TBCK: variants seen among roughly 807,000 people sequenced by gnomAD.
TBCK encodes the protein TBC1 domain containing kinase, also known as TBC domain-containing protein kinase-like protein.
A neutral mutation model predicts 113.4 loss-of-function variants in TBCK; 99 were observed. The observed-to-expected ratio is 0.87, with a 90% CI of 0.74 to 1.03. The LOEUF (loss-of-function observed/expected upper bound fraction) is 1.03. Among genes scored for constraint, TBCK ranks in the 50% least tolerant of loss-of-function variants. TBCK has a pLI of 0.00. For synonymous variants in TBCK, 369 were observed against 370.8 expected (o/e 1.00, Z 0.05); for missense variants, 1,045 against 1,061.3 (o/e 0.98, Z 0.21).
chr4:106,097,531 G>A (rs1460635796), intron 24 of TBCK, among the ~76,000 whole-genome samples: 1 of 152,020 alleles, frequency 6.6e-6, no homozygotes, highest in Non-Finnish European at 1.5e-5. Context: ...AATGAGATTG[G>A]CCTAGTTATA....
intron 5 of TBCK, among the ~76,000 whole-genome samples, chr4:106,252,599 G>C (rs1178589729): frequency 6.6e-6 from 1 of 151,900 alleles, no homozygotes; most frequent in Non-Finnish European, 1.5e-5. Context: ...CACAAGTATA[G>C]AGTTTCCTCA....
rs1733946473 is a variant in TBCK, at chr4:106,042,918, T to C, written c.*3652A>G. On this transcript the variant is annotated 3_prime_UTR_variant, in exon 26 of 26. Transcript: ENST00000394708. ...CAATCTCCTCTGTAGCTTCCCTAAT[T>C]TGGCGGGAAGTTATGTCTTGTCATT... 1.3e-5 allele frequency: 2 copies of C among 152,272 alleles called. No homozygotes were observed. The highest frequency in any genetic ancestry group is 4.1e-4 in the South Asian group (2 of 4,826). The allele number at this position is 152,272 out of a possible 1,614,324, so 9.4% of individuals were successfully genotyped here.
chr4:106,192,142 A>G (rs2290607), intron 22 of TBCK, among the ~76,000 whole-genome samples: 28,342 of 151,962 alleles, frequency 0.19, 2,657 homozygotes, highest in South Asian at 0.25. Context: ...AGTTGCATGA[A>G]TTTTTTAACA....
Position 106,193,601 on chromosome 4 carries a change from A to G in TBCK, c.2059+8T>C. The G allele has an allele frequency of 6.2e-7, 1 of 1,612,890 alleles. No homozygotes were observed. The highest frequency in any genetic ancestry group is 8.5e-7 in the Non-Finnish European group (1 of 1,179,260). On this transcript the variant is annotated splice_region_variant and intron_variant, in intron 22 of 25. Coordinates refer to ENST00000394708, the MANE Select transcript of TBCK (RefSeq NM_001163435.3). ...TCATTTAATGGCTCCATTTATTTAG[A>G]TCTATACCTGGTAAATCGGAGAAGA...
intron 3 of TBCK, among the ~76,000 whole-genome samples, chr4:106,294,276 G>A (rs1295316832): frequency 8.0e-5 from 12 of 149,944 alleles, no homozygotes; most frequent in South Asian, 4.2e-4. Flanking sequence ...CACAACCTCC[G>A]CCCCGCGGGT....
intron 19 of TBCK, among the ~76,000 whole-genome samples, chr4:106,221,143 C>A (rs1023892334): frequency 6.6e-6 from 1 of 152,132 alleles, no homozygotes; most frequent in African/African-American, 2.4e-5. Context: ...TGCCACCACA[C>A]CCAGCTAATT....
At chr4:106,091,407 T>A (rs1207768760) in intron 25 of TBCK, among the ~76,000 whole-genome samples, 1 of 152,222 alleles carries the variant, frequency 6.6e-6, no homozygotes, top group Non-Finnish European at 1.5e-5. Flanking sequence ...AACTGGTGGG[T>A]TCTTGGTCTC....
intron 3 of TBCK, among the ~76,000 whole-genome samples, chr4:106,281,671 T>A (rs2125788205): frequency 6.6e-6 from 1 of 152,256 alleles, no homozygotes; most frequent in East Asian, 1.9e-4. Flanking sequence ...ATTGAAAGGA[T>A]CATATGGTTT....
intron 23 of TBCK, among the ~76,000 whole-genome samples, chr4:106,150,242 C>G (rs1748323975): frequency 6.6e-6 from 1 of 152,200 alleles, no homozygotes; most frequent in East Asian, 1.9e-4. Flanking sequence ...AACAATAAAA[C>G]AAGTAGACTA....
chr4:106,227,842 T>C (rs1758405609), intron 19 of TBCK, among the ~76,000 whole-genome samples: 1 of 151,848 alleles, frequency 6.6e-6, no homozygotes, highest in Non-Finnish European at 1.5e-5. Context: ...TGAAAGGATA[T>C]AAAACAGTAT....
chr4:106,225,943 C>T lies in TBCK; in HGVS notation c.1774+4420G>A, dbSNP rs1331294965. Reference sequence around the variant, plus strand: ...TTGGGAGGGAGAGGTGAGCGAATGGCTTGAGCTCCTGAGTTTGAGATCAGC... The same window carrying T: ...TTGGGAGGGAGAGGTGAGCGAATGGTTTGAGCTCCTGAGTTTGAGATCAGC... On this transcript the variant is annotated intron_variant, in intron 19 of 25. Transcript: ENST00000394708. 3.9e-5 allele frequency among the ~76,000 whole-genome samples: 6 copies of T among 152,190 alleles called. No individual in the cohort carries two copies. The East Asian group carries it at 1.2e-3, about 30-fold the overall frequency.
intron 3 of TBCK, among the ~76,000 whole-genome samples, chr4:106,275,964 T>C (rs1172318056): frequency 1.3e-5 from 2 of 152,044 alleles, no homozygotes; most frequent in African/African-American, 4.8e-5. Context: ...GCTAAAGCAA[T>C]CTTGAAACAG....
chr4:106,242,327 C>G, intron 12 of TBCK, 143 bp downstream of exon 12: 1 of 452,710 alleles, frequency 2.2e-6, no homozygotes, highest in Non-Finnish European at 3.8e-6. Flanking sequence ...TGTACAGATG[C>G]AATTCTACTC....
intron 22 of TBCK, among the ~76,000 whole-genome samples, chr4:106,181,145 T>C (rs969228752): frequency 1.3e-5 from 2 of 152,216 alleles, no homozygotes; most frequent in Non-Finnish European, 2.9e-5. Flanking sequence ...TTCATATGTC[T>C]GTTGGCTGCA....
At chr4:106,307,566 T>C (rs1199858535) in intron 2 of TBCK, among the ~76,000 whole-genome samples, 3 of 152,128 alleles carry the variant, frequency 2.0e-5, no homozygotes, top group Non-Finnish European at 1.5e-5. Flanking sequence ...TTGTTTGCAT[T>C]TATCAGGGTT....
At chr4:106,050,694 C>T (rs1044113759) in intron 25 of TBCK, among the ~76,000 whole-genome samples, 1 of 152,010 alleles carries the variant, frequency 6.6e-6, no homozygotes, top group African/African-American at 2.4e-5. Context: ...CACTATAGGG[C>T]TACATCCCAT....
intron 24 of TBCK, among the ~76,000 whole-genome samples, chr4:106,112,449 T>C (rs1396356398): frequency 1.3e-5 from 2 of 152,198 alleles, no homozygotes; most frequent in Non-Finnish European, 2.9e-5. Context: ...CTGGTAAACA[T>C]GGAAAAGTCA....
chr4:106,061,696 G>A (rs1049347455), intron 25 of TBCK, among the ~76,000 whole-genome samples: 1 of 151,116 alleles, frequency 6.6e-6, no homozygotes, highest in Non-Finnish European at 1.5e-5. Flanking sequence ...GTATATGCCC[G>A]ATTCACAGGC....
At chr4:106,210,961 T>G (rs1201463689) in intron 20 of TBCK, among the ~76,000 whole-genome samples, 3 of 152,182 alleles carry the variant, frequency 2.0e-5, no homozygotes, top group Non-Finnish European at 4.4e-5. Context: ...TCTTTATAAT[T>G]CTACACATTA....
Sources: allele counts gnomAD v4.1 joint callset (sites outside exome capture counted in the v4.1 genomes callset), GRCh38; gene constraint gnomAD v4.1.1; transcripts MANE v1.5; gene names NCBI Gene and HGNC (gene_info 2026-07-23, HGNC 2026-07-21).